The following IL23R variants were observed in gnomAD, a reference collection of about 807,000 sequenced individuals.
The protein encoded by IL23R is interleukin-23 receptor.
Under a neutral mutation model 56.9 loss-of-function variants are expected in IL23R, and 34 were observed. The observed-to-expected ratio is 0.60, with a 90% CI of 0.45 to 0.80. The LOEUF (loss-of-function observed/expected upper bound fraction) is 0.80. Ranked by LOEUF, IL23R falls within the 30% of genes least tolerant of loss-of-function variation. IL23R has a pLI of 0.00. For synonymous variants in IL23R, 230 were observed against 249.2 expected (o/e 0.92, Z 0.73); for missense variants, 635 against 730.0 (o/e 0.87, Z 1.50).
intron 9 of IL23R, among the ~76,000 whole-genome samples, chr1:67,249,990 C>A (rs1652505530): frequency 6.6e-6 from 1 of 152,130 alleles, no homozygotes; most frequent in East Asian, 1.9e-4. Context: ...CACAGAATTT[C>A]TTTTTATAAG....
rs200766030 is a variant in IL23R, at chr1:67,207,001, T to C, written c.744T>C (p.Ile248=). Residue 248 remains isoleucine (I), a synonymous_variant, in exon 6 of 11, where the codon ATT becomes ATC. Transcript: ENST00000347310. ...TIIYWDSQTT[I]EKVSCEMRYK... Reference sequence around the variant, plus strand: ...TTTATTGGGATAGTCAAACAACAATTGAAAAGGTTTCCTGTGAAATGAGAT... The same window carrying C: ...TTTATTGGGATAGTCAAACAACAATCGAAAAGGTTTCCTGTGAAATGAGAT... 6.2e-7 allele frequency: 1 copy of C among 1,612,582 alleles called. No homozygotes were observed. The highest frequency in any genetic ancestry group is 8.5e-7 in the Non-Finnish European group (1 of 1,179,492).
At chr1:67,182,692 T>C (rs564421014) in intron 3 of IL23R, 144 bp from the exon 4 acceptor site, 1 of 841,912 alleles carries the variant, frequency 1.2e-6, no homozygotes, top group African/African-American at 1.7e-5. Flanking sequence ...GGTACCTCAG[T>C]TGGAAATGAA....
chr1:67,240,286 GT>G lies in IL23R; in HGVS notation c.1148+10del, dbSNP rs1189760264. ...TAACAGATCATTCCGAACTGGGTAG[GT>G]TTTTGCAGAATTTCTGTTTTCTGAT... On this transcript the variant is annotated splice_donor_region_variant and intron_variant, in intron 9 of 10. Transcript: ENST00000347310. 6.3e-7 allele frequency: 1 copy of G among 1,593,888 alleles called. No homozygotes were observed. Among genetic ancestry groups the G allele is most frequent in the Non-Finnish European group, 8.6e-7 (1 of 1,162,276 alleles).
At chr1:67,208,663 G>C (rs1283319608) in intron 6 of IL23R, among the ~76,000 whole-genome samples, 2 of 152,232 alleles carry the variant, frequency 1.3e-5, no homozygotes, top group Non-Finnish European at 2.9e-5. Context: ...AAGATGTATG[G>C]AAATGCCTGG....
At chr1:67,200,700 A>G in intron 4 of IL23R, 37 bp from the exon 5 acceptor site, 2 of 1,606,014 alleles carry the variant, frequency 1.2e-6, no homozygotes, top group Non-Finnish European at 1.7e-6. Context: ...ATTCAAACTA[A>G]ATACAATTTA....
intron 10 of IL23R, among the ~76,000 whole-genome samples, chr1:67,257,623 A>C (rs950899228): frequency 1.3e-5 from 2 of 152,176 alleles, no homozygotes; most frequent in Non-Finnish European, 2.9e-5. Flanking sequence ...TATTGCCCAG[A>C]AAAGTCATCA....
chr1:67,182,264 T>C (rs746410030), intron 3 of IL23R, among the ~76,000 whole-genome samples: 172 of 152,290 alleles, frequency 1.1e-3, no homozygotes, highest in Non-Finnish European at 1.9e-3. Context: ...CAGGCCTCCT[T>C]GAGCTGCAGT....
chr1:67,152,886 T>G (rs1646741177), intron 1 of IL23R, among the ~76,000 whole-genome samples: 1 of 152,172 alleles, frequency 6.6e-6, no homozygotes. Context: ...TGATGTTCAT[T>G]AGGGATATTG....
chr1:67,205,873 ATCTTTCTTTCTTTCTTTC>A (rs1480699590), intron 5 of IL23R, among the ~76,000 whole-genome samples: 1 of 139,110 alleles, frequency 7.2e-6, no homozygotes, highest in Non-Finnish European at 1.6e-5. Context: ...TTGAACATCC[ATCTTTCTTTCTTTCTTTC>A]TTTCTTTCTT....
chr1:67,215,652 C>T (rs1047250479), intron 6 of IL23R, among the ~76,000 whole-genome samples: 1 of 152,172 alleles, frequency 6.6e-6, no homozygotes, highest in African/African-American at 2.4e-5. Flanking sequence ...TTGCAATCCA[C>T]CTCAAAATGT....
intron 7 of IL23R, among the ~76,000 whole-genome samples, chr1:67,228,011 T>A (rs1185058566): frequency 1.0e-5 from 1 of 96,264 alleles, no homozygotes; most frequent in Non-Finnish European, 2.3e-5. Flanking sequence ...TCTTTCTTTC[T>A]TTCTTTCTTC....
chr1:67,145,026 G>A lies in IL23R; in HGVS notation c.-634+5865G>A, dbSNP rs12097213. Among the ~76,000 whole-genome samples the A allele has an allele frequency of 4.3e-3, 660 of 152,106 alleles. 7 individuals carry two copies. The highest frequency in any genetic ancestry group is 0.015 in the African/African-American group (633 of 41,494). On this transcript the variant is annotated intron_variant, in intron 1 of 10. Transcript: ENST00000637002. ...CCCCTTTTTCACTCTTCACCTAGTC[G>A]CTGAGAATGAAATACTGAATTGTTT... is the stretch of plus-strand genomic sequence containing the variant.
At chr1:67,193,628 AAGAAAT>A (rs1647906494) in intron 4 of IL23R, among the ~76,000 whole-genome samples, 1 of 152,222 alleles carries the variant, frequency 6.6e-6, no homozygotes, top group Non-Finnish European at 1.5e-5. Context: ...CCATGAAAAA[AAGAAAT>A]AGAAATAAGA....
chr1:67,262,372 A>G (rs1653224192), downstream of IL23R, among the ~76,000 whole-genome samples: 1 of 152,070 alleles, frequency 6.6e-6, no homozygotes, highest in Admixed American at 6.6e-5. Context: ...AATGTCAGAT[A>G]ATAAGTGCTG....
In IL23R at chr1:67,259,303, G is replaced by A. The variant is rs1653116174; in HGVS notation, c.*175G>A. The stretch of plus-strand genomic sequence containing the variant: ...TAAATACCTAGGTAGGGGATTGCTG[G>A]GCCATATGATAAGCATATGTTTCAG... On this transcript the variant is annotated 3_prime_UTR_variant, in exon 11 of 11. Transcript: ENST00000347310. The A allele has an allele frequency of 1.5e-6, 1 of 653,498 alleles. No individual in the cohort carries two copies. Among genetic ancestry groups the A allele is most frequent in the Admixed American group, 2.5e-5 (1 of 39,248 alleles). The allele number at this position is 653,498 out of a possible 1,614,324, so 40.5% of individuals were successfully genotyped here.
chr1:67,216,887 G>T (rs1449411670), intron 6 of IL23R, among the ~76,000 whole-genome samples: 1 of 152,080 alleles, frequency 6.6e-6, no homozygotes, highest in Non-Finnish European at 1.5e-5. Flanking sequence ...TCACAAATAA[G>T]TTTCCCCATC....
chr1:67,210,301 T>G (rs1649364621), intron 6 of IL23R, among the ~76,000 whole-genome samples: 1 of 152,208 alleles, frequency 6.6e-6, no homozygotes. Context: ...AACTCAGTAA[T>G]TTCAGCTGTG....
chr1:67,207,490 G>C (rs930703445), intron 6 of IL23R: 2 of 318,292 alleles, frequency 6.3e-6, no homozygotes, highest in East Asian at 1.7e-4. Context: ...CCCAGGTGTT[G>C]TGGGAGGGAC....
chr1:67,226,014 G>A (rs529318059), intron 7 of IL23R, among the ~76,000 whole-genome samples: 288 of 152,334 alleles, frequency 1.9e-3, no homozygotes, highest in Non-Finnish European at 2.0e-3. Context: ...CCATTGAAAC[G>A]GGAGAGTTCC....
Sources: gnomAD v4.1 joint callset for allele counts (sites outside exome capture counted in the v4.1 genomes callset) on GRCh38, gnomAD v4.1.1 for gene constraint, MANE v1.5 for transcripts, NCBI Gene and HGNC (gene_info 2026-07-23, HGNC 2026-07-21) for gene names.